Variants in BBS9 observed in about 807,000 individuals in gnomAD.
BBS9 encodes the protein protein PTHB1.
Under a neutral mutation model 117.7 loss-of-function variants are expected in BBS9, and 89 were observed. The ratio of observed to expected loss-of-function variants is 0.76; its 90% confidence interval spans 0.64 to 0.90. BBS9 has a LOEUF of 0.90. BBS9 is among the 40% of genes least tolerant of loss of function. The probability of loss-of-function intolerance (pLI) is 0.00; values close to 1 mark genes in which losing one functional copy is unlikely to be tolerated. For missense variants in BBS9, 982 were observed against 1,042.2 expected, an observed-to-expected ratio of 0.94 and a Z score of 0.80; for synonymous variants, 379 against 370.9, an observed-to-expected ratio of 1.02 and a Z score of -0.25.
At chr7:33,238,594 C>T (rs1000072210) in intron 5 of BBS9, among the ~76,000 whole-genome samples, 4 of 151,956 alleles carry the variant, frequency 2.6e-5, no homozygotes, top group Non-Finnish European at 1.5e-5. Context: ...ATGACCGACC[C>T]TTGTTTTTAT....
intron 17 of BBS9, among the ~76,000 whole-genome samples, chr7:33,381,819 A>G (rs2128744810): frequency 6.6e-6 from 1 of 152,270 alleles, no homozygotes; most frequent in Non-Finnish European, 1.5e-5. Flanking sequence ...GGATTGTGAC[A>G]GGCATACCCA....
At chr7:33,219,194 G>C (rs375974133) in intron 5 of BBS9, among the ~76,000 whole-genome samples, 68 of 152,336 alleles carry the variant, frequency 4.5e-4, no homozygotes, top group African/African-American at 1.5e-3. Flanking sequence ...TTCTCACCGG[G>C]CCTTAGCTGC....
intron 19 of BBS9, among the ~76,000 whole-genome samples, chr7:33,472,271 A>G (rs1281925072): frequency 6.6e-6 from 1 of 152,212 alleles, no homozygotes; most frequent in African/African-American, 2.4e-5. Flanking sequence ...AAAGAAGTAG[A>G]TGAGGAGCAA....
chr7:33,624,943 G>T (rs1032798117), intron 21 of BBS9, among the ~76,000 whole-genome samples: 5 of 152,124 alleles, frequency 3.3e-5, no homozygotes, highest in Non-Finnish European at 7.4e-5. Context: ...ATCACCCTGG[G>T]TTAAGAAATG....
chr7:33,474,803 G>A (rs535182714), intron 19 of BBS9, among the ~76,000 whole-genome samples: 57 of 152,244 alleles, frequency 3.7e-4, no homozygotes, highest in African/African-American at 1.3e-3. Flanking sequence ...AAAATTAGCT[G>A]GGTGTGGTGG....
intron 21 of BBS9, among the ~76,000 whole-genome samples, chr7:33,564,016 A>G (rs1037436467): frequency 6.8e-6 from 1 of 146,936 alleles, no homozygotes; most frequent in Non-Finnish European, 1.5e-5. Flanking sequence ...TTTTCTAAAA[A>G]TCTTGCCTGG....
At chr7:33,590,665 A>T (rs1861756779) in intron 21 of BBS9, among the ~76,000 whole-genome samples, 1 of 151,788 alleles carries the variant, frequency 6.6e-6, no homozygotes, top group African/African-American at 2.4e-5. Flanking sequence ...GGCAAAAATG[A>T]TGCTGATGCT....
In BBS9 at chr7:33,292,516, C is replaced by T. The variant is rs150527755; in HGVS notation, c.1016+18560C>T. 7.9e-5 allele frequency among the ~76,000 whole-genome samples: 12 copies of T among 152,162 alleles called. No individual in the cohort carries two copies. In the South Asian group the frequency reaches 8.3e-4, roughly 11 times the overall value. ...TGCTGGGATTACAGGCATGACCCAC[C>T]GCACACCATCTATTTGTGGAACATT... On this transcript the variant is annotated intron_variant, in intron 9 of 22. Coordinates refer to ENST00000242067, the MANE Select transcript of BBS9 (RefSeq NM_198428.3).
chr7:33,378,283 T>C (rs1024638458), intron 17 of BBS9, among the ~76,000 whole-genome samples: 5 of 152,226 alleles, frequency 3.3e-5, no homozygotes, highest in Non-Finnish European at 7.3e-5. Context: ...GTATGTGTTG[T>C]TCACTATTAT....
chr7:33,346,622 T>A (rs1175903586), intron 12 of BBS9, among the ~76,000 whole-genome samples: 1 of 152,224 alleles, frequency 6.6e-6, no homozygotes, highest in Non-Finnish European at 1.5e-5. Flanking sequence ...ACTGTTGTTA[T>A]TTTCATTACC....
chr7:33,515,675 G>C (rs1847652238), intron 20 of BBS9, among the ~76,000 whole-genome samples: 1 of 152,170 alleles, frequency 6.6e-6, no homozygotes, highest in Non-Finnish European at 1.5e-5. Flanking sequence ...TCAGGGATTT[G>C]CCAGTTTTTC....
chr7:33,490,842 G>C (rs1264487261), intron 19 of BBS9, among the ~76,000 whole-genome samples: 1 of 152,222 alleles, frequency 6.6e-6, no homozygotes, highest in African/African-American at 2.4e-5. Context: ...CAACTTTGTG[G>C]AAGTTAATTT....
chr7:33,315,523 G>A (rs559250965), intron 9 of BBS9, among the ~76,000 whole-genome samples: 32 of 152,238 alleles, frequency 2.1e-4, no homozygotes, highest in East Asian at 9.7e-4. Context: ...TTGATGAAAC[G>A]AGCTGTAAAG....
At chr7:33,411,432 T>C (rs1831123843) in intron 19 of BBS9, among the ~76,000 whole-genome samples, 1 of 152,212 alleles carries the variant, frequency 6.6e-6, no homozygotes, top group Non-Finnish European at 1.5e-5. Context: ...CTTTGTGTTT[T>C]GTGGAGCTAT....
At chr7:33,591,693 C>CT in intron 21 of BBS9, among the ~76,000 whole-genome samples, 1 of 152,060 alleles carries the variant, frequency 6.6e-6, no homozygotes, top group Non-Finnish European at 1.5e-5. Context: ...GGTTCAGCTG[C>CT]TGGCCATTAC....
rs1865487300 is a variant in BBS9 at position 33,623,140 on chromosome 7, C to T, written c.2522-12037C>T. ...GTCATAAAGTGGAAGAAAATATTTC[C>T]AGTGCATATAACTGGCAAAGAATTA... On this transcript the variant is annotated intron_variant, in intron 21 of 21. Transcript: ENST00000671952. Among the ~76,000 whole-genome samples the T allele has an allele frequency of 2.0e-5, 3 of 152,010 alleles. No homozygotes were observed. In the East Asian group the frequency reaches 5.8e-4, roughly 29 times the overall value.
At position 33,577,776 on chromosome 7, in the gene BBS9, A is replaced by G. The variant is rs372643691; in HGVS notation, c.2522-27089A>G. The stretch of plus-strand genomic sequence containing the variant: ...AGGGACATGGATGAAGCTGGAAACC[A>G]TCATTCTCAGCCAACTGTCACAAGG... On this transcript the variant is annotated intron_variant, in intron 21 of 22. Coordinates refer to ENST00000242067, the MANE Select transcript of BBS9 (RefSeq NM_198428.3). Among the ~76,000 whole-genome samples the G allele has an allele frequency of 1.8e-4, 27 of 152,328 alleles. No homozygotes were observed. In the East Asian group the frequency reaches 4.8e-3, roughly 27 times the overall value.
chr7:33,330,883 A>G (rs1156492650), intron 9 of BBS9, among the ~76,000 whole-genome samples: 2 of 152,198 alleles, frequency 1.3e-5, no homozygotes, highest in East Asian at 3.9e-4. Context: ...TGCTTTTAAG[A>G]CAGAAGCAAT....
chr7:33,554,693 T>C (rs906640044), intron 21 of BBS9, among the ~76,000 whole-genome samples: 2 of 152,158 alleles, frequency 1.3e-5, no homozygotes, highest in African/African-American at 4.8e-5. Flanking sequence ...TGCCAAGTGC[T>C]CCGGAGCTCA....
Sources: allele counts gnomAD v4.1 joint callset (sites outside exome capture counted in the v4.1 genomes callset), GRCh38; gene constraint gnomAD v4.1.1; transcripts MANE v1.5; gene names NCBI Gene and HGNC (gene_info 2026-07-23, HGNC 2026-07-21).